The following TRDN variants were observed in gnomAD, a reference collection of about 807,000 sequenced individuals.
The protein encoded by TRDN is triadin in skeletal muscle.
In TRDN, 161 loss-of-function variants were observed where a neutral mutation model predicts 149.7. That is an observed-to-expected ratio of 1.08 (90% CI 0.95 to 1.23). The LOEUF is 1.23. Ranked by LOEUF, TRDN falls within the 50% of genes most tolerant of loss-of-function variation. The pLI, the probability that TRDN is intolerant of heterozygous loss-of-function variation, is 0.00. For synonymous variants in TRDN, 294 were observed against 250.5 expected, an observed-to-expected ratio of 1.17 and a Z score of -1.64; for missense variants, 896 against 823.5, an observed-to-expected ratio of 1.09 and a Z score of -1.08.
chr6:123,467,978 T>C (rs1464515265), intron 9 of TRDN, among the ~76,000 whole-genome samples: 1 of 152,066 alleles, frequency 6.6e-6, no homozygotes, highest in Non-Finnish European at 1.5e-5. Flanking sequence ...TCAGTTAAGG[T>C]GTTTATAAAA....
rs1273276115 is a variant in TRDN, at chr6:123,475,759, C to T, written c.854-10776G>A. Among the ~76,000 whole-genome samples the T allele has an allele frequency of 2.8e-5, 4 of 143,760 alleles. No homozygotes were observed. The East Asian group carries it at 8.4e-4, about 30-fold the overall frequency. The allele number at this position is 143,760 out of a possible 152,430, so 94.3% of individuals were successfully genotyped here. A position where few individuals can be genotyped will look rare whatever the true frequency, so the allele number is the denominator to read the frequency against. On this transcript the variant is annotated intron_variant, in intron 9 of 40. Transcript: ENST00000334268. ...GGATGCAAGGCTGGTTCAATATACG[C>T]AAATCAATAAATGTAATCCAGCATA...
intron 5 of TRDN, among the ~76,000 whole-genome samples, chr6:123,516,673 A>G (rs1027441216): frequency 6.6e-6 from 1 of 152,098 alleles, no homozygotes. Flanking sequence ...TAAATGTTTT[A>G]AAAAATATAC....
chr6:123,481,105 G>T (rs145387585), intron 9 of TRDN, among the ~76,000 whole-genome samples: 3 of 152,012 alleles, frequency 2.0e-5, no homozygotes, highest in Non-Finnish European at 4.4e-5. Flanking sequence ...ATTTTATCAG[G>T]CCTTACAGTC....
At chr6:123,561,665 T>C (rs1782008732) in intron 2 of TRDN, among the ~76,000 whole-genome samples, 1 of 152,106 alleles carries the variant, frequency 6.6e-6, no homozygotes, top group Non-Finnish European at 1.5e-5. Context: ...TTCCATTTAG[T>C]TTTTCAATTC....
intron 31 of TRDN, among the ~76,000 whole-genome samples, chr6:123,268,120 G>A (rs1189785905): frequency 6.6e-6 from 1 of 151,978 alleles, no homozygotes; most frequent in East Asian, 1.9e-4. Flanking sequence ...ATTTGTCTTT[G>A]ACATTTTATC....
chr6:123,632,195 T>C (rs1006839545), intron 1 of TRDN, among the ~76,000 whole-genome samples: 2 of 152,110 alleles, frequency 1.3e-5, no homozygotes, highest in East Asian at 1.9e-4. Context: ...GTTTGTACTG[T>C]AGAGGTTCCC....
chr6:123,272,815 G>C, intron 29 of TRDN, 149 bp downstream of exon 29: 1 of 616,036 alleles, frequency 1.6e-6, no homozygotes, highest in South Asian at 2.4e-5. Context: ...AAATTCTGAA[G>C]ATGACTAAAA....
chr6:123,274,583 C>T (rs1777309107), intron 27 of TRDN, 58 bp downstream of exon 27: 1 of 1,487,612 alleles, frequency 6.7e-7, no homozygotes, highest in South Asian at 1.2e-5. Context: ...TCTTTTAGTA[C>T]TTAATAAAAT....
chr6:123,512,855 C>T (rs1318652886), intron 6 of TRDN, among the ~76,000 whole-genome samples: 2 of 152,024 alleles, frequency 1.3e-5, no homozygotes, highest in Non-Finnish European at 2.9e-5. Context: ...GGGCAGTTAA[C>T]AAAGTGTATG....
intron 39 of TRDN, among the ~76,000 whole-genome samples, chr6:123,222,384 A>G (rs549035227): frequency 6.6e-6 from 1 of 151,872 alleles, no homozygotes; most frequent in South Asian, 2.1e-4. Flanking sequence ...TAACTCAGAT[A>G]TTTAATTCTA....
At chr6:123,389,567 C>T (rs1782030607) in intron 13 of TRDN, 1 of 152,012 alleles carries the variant, frequency 6.6e-6, no homozygotes, top group Non-Finnish European at 1.5e-5. Context: ...AAATAATTTG[C>T]AGAGTATAAG....
At chr6:123,602,436 G>C (rs888874974) in intron 1 of TRDN, among the ~76,000 whole-genome samples, 9 of 106,796 alleles carry the variant, frequency 8.4e-5, no homozygotes, top group African/African-American at 2.5e-4. Context: ...GGGAAGGGTT[G>C]TAGGGGGGAA....
chr6:123,311,890 G>A (rs1778839853), intron 24 of TRDN, among the ~76,000 whole-genome samples: 1 of 151,922 alleles, frequency 6.6e-6, no homozygotes, highest in Non-Finnish European at 1.5e-5. Context: ...ATAGACAGTA[G>A]ATATGGCAAA....
At chr6:123,612,242 GAAA>G (rs35184623) in intron 1 of TRDN, among the ~76,000 whole-genome samples, 2 of 94,678 alleles carry the variant, frequency 2.1e-5, no homozygotes, top group Non-Finnish European at 3.9e-5. Flanking sequence ...TAAAAATACA[GAAA>G]AAAAAAAGTT....
chr6:123,464,803 T>C, intron 10 of TRDN, 103 bp downstream of exon 10: 9 of 1,502,840 alleles, frequency 6.0e-6, no homozygotes, highest in Middle Eastern at 4.4e-4. Flanking sequence ...TTTAAGAAAA[T>C]ATTGGATTTT....
At chr6:123,284,837 A>T (rs1485781837) in intron 24 of TRDN, among the ~76,000 whole-genome samples, 1 of 152,114 alleles carries the variant, frequency 6.6e-6, no homozygotes, top group Non-Finnish European at 1.5e-5. Context: ...AAATTAATGT[A>T]CACACATCAG....
At chr6:123,464,619 A>G (rs1443759235) in intron 10 of TRDN, 1 of 1,124,004 alleles carries the variant, frequency 8.9e-7, no homozygotes. Flanking sequence ...GTTGCAAGGC[A>G]TAGCCTTATC....
At chr6:123,582,127 A>T (rs780581514) in intron 1 of TRDN, among the ~76,000 whole-genome samples, 2 of 152,134 alleles carry the variant, frequency 1.3e-5, no homozygotes, top group Non-Finnish European at 2.9e-5. Flanking sequence ...TAATCAATAC[A>T]TGTACCCTAT....
intron 9 of TRDN, among the ~76,000 whole-genome samples, chr6:123,480,895 A>T (rs1465835067): frequency 6.6e-6 from 1 of 152,112 alleles, no homozygotes; most frequent in Non-Finnish European, 1.5e-5. Flanking sequence ...GGTTATTGAC[A>T]GAGAGCAGCT....
Sources: gnomAD v4.1 joint callset for allele counts (sites outside exome capture counted in the v4.1 genomes callset) on GRCh38, gnomAD v4.1.1 for gene constraint, MANE v1.5 for transcripts, NCBI Gene and HGNC (gene_info 2026-07-23, HGNC 2026-07-21) for gene names.